The following SMPDL3A variants were observed in gnomAD, a reference collection of about 807,000 sequenced individuals.
SMPDL3A encodes sphingomyelin phosphodiesterase acid like 3A.
A neutral mutation model predicts 38.5 loss-of-function variants in SMPDL3A; 39 were observed. That is an observed-to-expected ratio of 1.01 (90% CI 0.78 to 1.32). The LOEUF (loss-of-function observed/expected upper bound fraction) is 1.32, where lower values mean the gene tolerates loss of function less well. Among genes scored for constraint, SMPDL3A ranks in the 40% most tolerant of loss-of-function variants. The probability of loss-of-function intolerance (pLI) is 0.00; values close to 1 mark genes in which losing one functional copy is unlikely to be tolerated. For missense variants in SMPDL3A, 502 were observed against 536.2 expected (o/e 0.94, Z 0.63); for synonymous variants, 180 against 194.3 (o/e 0.93, Z 0.61).
In SMPDL3A at chr6:122,796,847, T is replaced by G. The variant is rs1451591013; in HGVS notation, c.350T>G (p.Val117Gly). ...AGGGATAGCCCACCTCATGTTCCTG[T>G]ACCTGAACTCTCAACAGACACTGTT... ...WTGDSPPHVP[V>G]PELSTDTVIN... Residue 117 changes from valine to glycine, a missense_variant, in exon 3 of 8, where the codon GTA becomes GGA. By Grantham distance (109) the Val-to-Gly change is moderately radical (BLOSUM62 -3). Transcript: ENST00000368440. 4 of 1,613,108 alleles carry G rather than the reference T, an allele frequency of 2.5e-6. No individual in the cohort carries two copies. The African/African-American group carries it at 5.3e-5, about 22-fold the overall frequency.
At chr6:122,803,594 GAATTTGC>G in intron 4 of SMPDL3A, 63 bp from the exon 5 acceptor site, 2 of 1,178,306 alleles carry the variant, frequency 1.7e-6, no homozygotes, top group Non-Finnish European at 2.5e-6. Flanking sequence ...TAAACCTCAG[GAATTTGC>G]TTTCACAATG....
intron 5 of SMPDL3A, among the ~76,000 whole-genome samples, chr6:122,804,177 G>A (rs1477701026): frequency 6.6e-6 from 1 of 151,622 alleles, no homozygotes; most frequent in Non-Finnish European, 1.5e-5. Flanking sequence ...TAGCAGAGAC[G>A]GGGTTTTACC....
rs1325970381 is a variant in SMPDL3A, at chr6:122,803,591, C to T, written c.569-73C>T. ...AACCTCCTGACTGGATTGTAAACCTCAGGAATTTGCTTTCACAATGTTTGT... is the reference window on the plus strand; with the variant it reads ...AACCTCCTGACTGGATTGTAAACCTTAGGAATTTGCTTTCACAATGTTTGT... On this transcript the variant is annotated intron_variant, in intron 4 of 7. Coordinates refer to ENST00000368440, the MANE Select transcript of SMPDL3A (RefSeq NM_006714.5). The T allele has an allele frequency of 3.5e-6, 4 of 1,144,806 alleles. No individual in the cohort carries two copies. In the East Asian group the frequency reaches 7.2e-5, roughly 20 times the overall value. 70.9% of individuals were successfully genotyped at this position (1,144,806 alleles called of 1,614,324 possible).
chr6:122,804,152 T>A (rs1310260629), intron 5 of SMPDL3A, among the ~76,000 whole-genome samples: 1 of 151,720 alleles, frequency 6.6e-6, no homozygotes, highest in African/African-American at 2.4e-5. Flanking sequence ...CACGCCTGGC[T>A]AATTTTTGTA....
intron 1 of SMPDL3A, among the ~76,000 whole-genome samples, chr6:122,791,041 T>A (rs1207965028): frequency 6.6e-6 from 1 of 152,176 alleles, no homozygotes; most frequent in Non-Finnish European, 1.5e-5. Context: ...GTTTCACAAT[T>A]CTCCTTGTTT....
rs1474172233 is a variant in SMPDL3A, at chr6:122,789,324, C to A, written c.-23C>A. ...TGGAGCTGCGGGACAGCCCGAACCT[C>A]CAGGTCAGCCCCGCGGCCCTCCATG... On this transcript the variant is annotated 5_prime_UTR_variant, in exon 1 of 8. Coordinates refer to ENST00000368440, the MANE Select transcript of SMPDL3A (RefSeq NM_006714.5). 2.0e-6 allele frequency: 3 copies of A among 1,520,140 alleles called. No homozygotes were observed. The highest frequency in any genetic ancestry group is 2.7e-6 in the Non-Finnish European group (3 of 1,128,836). 94.2% of individuals were successfully genotyped at this position (1,520,140 alleles called of 1,614,324 possible). A position where few individuals can be genotyped will look rare whatever the true frequency, so the allele number is the denominator to read the frequency against.
At chr6:122,806,960 A>G (rs1781642469) in intron 7 of SMPDL3A, among the ~76,000 whole-genome samples, 1 of 152,144 alleles carries the variant, frequency 6.6e-6, no homozygotes, top group African/African-American at 2.4e-5. Flanking sequence ...GTGCGATCAT[A>G]GCTTACAGCA....
chr6:122,790,473 T>G (rs774556962), intron 1 of SMPDL3A, among the ~76,000 whole-genome samples: 2 of 152,152 alleles, frequency 1.3e-5, no homozygotes, highest in African/African-American at 2.4e-5. Flanking sequence ...TCTGTTTTCT[T>G]TTAGGGGAGA....
intron 1 of SMPDL3A, among the ~76,000 whole-genome samples, chr6:122,794,624 T>G (rs888101147): frequency 1.3e-5 from 2 of 152,084 alleles, no homozygotes; most frequent in African/African-American, 4.8e-5. Context: ...AAAAAAACTT[T>G]CTTAAGATGA....
At chr6:122,808,633 TCCTTCCTTC>T (rs754727467) in intron 7 of SMPDL3A, among the ~76,000 whole-genome samples, 14,102 of 77,886 alleles carry the variant, frequency 0.18, 889 homozygotes, top group South Asian at 0.35. Flanking sequence ...CTTCCTTCCT[TCCTTCCTTC>T]CCCCCCTCCT....
intron 2 of SMPDL3A, 26 bp downstream of exon 2, chr6:122,795,916 A>T (rs1178167269): frequency 1.4e-6 from 2 of 1,471,028 alleles, no homozygotes; most frequent in Non-Finnish European, 1.9e-6. Flanking sequence ...AGTACCATTA[A>T]TTACTCAATA....
intron 3 of SMPDL3A, among the ~76,000 whole-genome samples, chr6:122,800,733 TTTTTG>T (rs373775202): frequency 0.14 from 2,117 of 15,368 alleles, 74 homozygotes; most frequent in African/African-American, 0.21. Context: ...GGCTACACCT[TTTTTG>T]TTTGTTTGTT....
At chr6:122,803,874 G>A (rs775792788) in intron 5 of SMPDL3A, 41 bp downstream of exon 5, 40 of 1,554,122 alleles carry the variant, frequency 2.6e-5, no homozygotes, top group South Asian at 7.0e-5. Flanking sequence ...ATAAACGGAA[G>A]GCAAAATTTG....
Position 122,809,523 on chromosome 6 carries a change from GCTTT to G in SMPDL3A, c.*120_*123del. The G allele has an allele frequency of 2.8e-6, 2 of 712,528 alleles. No homozygotes were observed. The highest frequency in any genetic ancestry group is 4.5e-6 in the Non-Finnish European group (2 of 441,706). 44.1% of individuals were successfully genotyped at this position (712,528 alleles called of 1,614,324 possible). A position where few individuals can be genotyped will look rare whatever the true frequency, so the allele number is the denominator to read the frequency against. ...GTGGGCAAGTAGACTTCCTGTCTTT[GCTTT>G]CTTTTTTTTTTTCTTTTTGATGCCT... On this transcript the variant is annotated 3_prime_UTR_variant, in exon 8 of 8. Coordinates refer to ENST00000368440, the MANE Select transcript of SMPDL3A (RefSeq NM_006714.5).
chr6:122,796,778 C>T (rs1337227706), intron 2 of SMPDL3A, 46 bp from the exon 3 acceptor site: 1 of 1,569,594 alleles, frequency 6.4e-7, no homozygotes, highest in African/African-American at 1.4e-5. Flanking sequence ...TCTAGTAACT[C>T]TTTATGAAAC....
At chr6:122,800,813 C>T (rs1337912770) in intron 3 of SMPDL3A, among the ~76,000 whole-genome samples, 5 of 152,052 alleles carry the variant, frequency 3.3e-5, no homozygotes, top group East Asian at 3.9e-4. Context: ...TGCAGTGGTG[C>T]GATCTTGGCT....
intron 1 of SMPDL3A, among the ~76,000 whole-genome samples, chr6:122,795,286 C>A (rs1211740627): frequency 6.6e-6 from 1 of 152,130 alleles, no homozygotes; most frequent in African/African-American, 2.4e-5. Flanking sequence ...GGATTACAGG[C>A]GTGTGCCACC....
chr6:122,806,486 C>T, intron 7 of SMPDL3A, 129 bp downstream of exon 7: 1 of 949,872 alleles, frequency 1.1e-6, no homozygotes, highest in Non-Finnish European at 1.6e-6. Context: ...TGGCATCCTT[C>T]TTCTTTTTTA....
chr6:122,805,126 G>A, intron 6 of SMPDL3A, 37 bp downstream of exon 6: 1 of 1,524,582 alleles, frequency 6.6e-7, no homozygotes, highest in Non-Finnish European at 8.9e-7. Context: ...CCCAGTCTAA[G>A]AGTCTAGAGC....
Sources: allele counts gnomAD v4.1 joint callset (sites outside exome capture counted in the v4.1 genomes callset), GRCh38; gene constraint gnomAD v4.1.1; transcripts MANE v1.5; gene names NCBI Gene and HGNC (gene_info 2026-07-23, HGNC 2026-07-21).